The following TRIO variants were observed in gnomAD, a reference collection of about 807,000 sequenced individuals.
TRIO encodes triple functional domain protein.
In TRIO, 58 loss-of-function variants were observed where a neutral mutation model predicts 351.9. The ratio of observed to expected loss-of-function variants is 0.16; its 90% CI spans 0.13 to 0.21. The LOEUF (loss-of-function observed/expected upper bound fraction) is 0.21, where lower values mean the gene tolerates loss of function less well. Ranked by LOEUF, TRIO falls within the 10% of genes least tolerant of loss-of-function variation. The probability of loss-of-function intolerance (pLI) is 1.00; values close to 1 mark genes in which losing one functional copy is unlikely to be tolerated. For synonymous variants in TRIO, 1,758 were observed against 1,595.7 expected (o/e 1.10, Z -2.42); for missense variants, 3,201 against 4,027.8 (o/e 0.79, Z 5.56).
chr5:14,369,168 T>C (rs1341601257), intron 17 of TRIO, among the ~76,000 whole-genome samples: 1 of 152,184 alleles, frequency 6.6e-6, no homozygotes, highest in East Asian at 1.9e-4. Context: ...GGATATTTGC[T>C]TTGGTTTTGT....
intron 48 of TRIO, among the ~76,000 whole-genome samples, chr5:14,489,417 T>C (rs1479538467): frequency 6.6e-6 from 1 of 152,218 alleles, no homozygotes; most frequent in African/African-American, 2.4e-5. Flanking sequence ...AGGTTGGACG[T>C]GCTAGGTAGG....
intron 34 of TRIO, among the ~76,000 whole-genome samples, chr5:14,448,327 G>A (rs1406490131): frequency 2.0e-5 from 3 of 152,224 alleles, no homozygotes; most frequent in Non-Finnish European, 2.9e-5. Context: ...GCAGGCTGTC[G>A]CTCCTTGCCT....
chr5:14,498,656 C>T lies in TRIO; in HGVS notation c.8332+16C>T, dbSNP rs371214124. 1.4e-5 allele frequency: 22 copies of T among 1,610,094 alleles called. No individual in the cohort carries two copies. The highest frequency in any genetic ancestry group is 2.2e-5 in the East Asian group (1 of 44,724). On this transcript the variant is annotated intron_variant, in intron 53 of 56. Coordinates refer to ENST00000344204, the MANE Select transcript of TRIO (RefSeq NM_007118.4). ...AGGGTCCTAGGTAAGCACCGTGCAA[C>T]GAGGATTCTACGTGACCCAGTGGGG...
At chr5:14,480,522 T>A (rs1407464873) in intron 43 of TRIO, among the ~76,000 whole-genome samples, 1 of 152,234 alleles carries the variant, frequency 6.6e-6, no homozygotes, top group Non-Finnish European at 1.5e-5. Context: ...TGTATTCCTC[T>A]CTGTTGGCTT....
intron 11 of TRIO, among the ~76,000 whole-genome samples, chr5:14,353,931 T>A (rs945657919): frequency 6.6e-6 from 1 of 152,212 alleles, no homozygotes; most frequent in East Asian, 1.9e-4. Flanking sequence ...TTAAGTGTTA[T>A]TTTTGGTAGT....
intron 11 of TRIO, among the ~76,000 whole-genome samples, chr5:14,348,571 C>A (rs1742658678): frequency 6.6e-6 from 1 of 152,090 alleles, no homozygotes; most frequent in Admixed American, 6.5e-5. Context: ...CATGTTTTTC[C>A]TGCGTGTATA....
At chr5:14,180,850 A>C (rs1048659932) in intron 1 of TRIO, among the ~76,000 whole-genome samples, 25 of 150,836 alleles carry the variant, frequency 1.7e-4, no homozygotes, top group Non-Finnish European at 3.7e-4. Flanking sequence ...GCCCCCACAA[A>C]AAAAAAAAAG....
intron 1 of TRIO, among the ~76,000 whole-genome samples, chr5:14,269,848 C>G (rs1305465629): frequency 1.3e-5 from 2 of 152,104 alleles, no homozygotes; most frequent in Non-Finnish European, 2.9e-5. Context: ...ACTATTTTGG[C>G]AAAAACAAAC....
At position 14,489,070 on chromosome 5, in the gene TRIO, G is replaced by A. The variant is rs371798493; in HGVS notation, c.7632+810G>A. On this transcript the variant is annotated intron_variant, in intron 48 of 56. Coordinates refer to ENST00000344204, the MANE Select transcript of TRIO (RefSeq NM_007118.4). ...CCGTAACACTTTCCTGAAGGCATGC[G>A]TGAGTGAATAGAACTGTTCTAATGA... 1.4e-4 allele frequency: 109 copies of A among 765,124 alleles called. 3 individuals are homozygous for A. Among genetic ancestry groups the A allele is most frequent in the South Asian group, 6.4e-4 (48 of 74,580 alleles). The allele number at this position is 765,124 out of a possible 1,614,324, so 47.4% of individuals were successfully genotyped here.
chr5:14,384,051 C>T (rs143758190), intron 21 of TRIO, among the ~76,000 whole-genome samples: 118 of 152,304 alleles, frequency 7.7e-4, no homozygotes, highest in African/African-American at 2.1e-3. Flanking sequence ...CATTTCTCCA[C>T]GGGTCTTGCA....
At chr5:14,343,414 T>C (rs548685625) in intron 11 of TRIO, among the ~76,000 whole-genome samples, 7 of 152,370 alleles carry the variant, frequency 4.6e-5, no homozygotes, top group Admixed American at 1.3e-4. Context: ...ATCTAACCCC[T>C]GCTCCATCTC....
intron 48 of TRIO, among the ~76,000 whole-genome samples, chr5:14,490,491 G>A (rs1402769619): frequency 1.3e-5 from 2 of 152,240 alleles, no homozygotes; most frequent in East Asian, 3.8e-4. Context: ...CCAAACCATG[G>A]CTGCACCAGT....
chr5:14,190,478 T>G (rs1258828930), intron 1 of TRIO, among the ~76,000 whole-genome samples: 1 of 152,216 alleles, frequency 6.6e-6, no homozygotes, highest in East Asian at 1.9e-4. Flanking sequence ...GATAAGTCTA[T>G]TCCTGTAAAG....
Position 14,498,200 on chromosome 5 carries a change from G to A in TRIO, c.8159G>A (p.Gly2720Asp), listed in dbSNP as rs567169688. Residue 2720 changes from glycine to aspartate, a missense_variant, in exon 52 of 57, where the codon GGC becomes GAC. By Grantham distance (94) the Gly-to-Asp change is moderately conservative. Around this residue, in one of 19 missense-constraint regions of TRIO, gnomAD observed 1,089 missense variants for 954.9 expected, o/e 1.14. Transcript: ENST00000344204. ...CCCAAAGCCTCAATTACCTGGAAGG[G>A]CCCTGAACACAACACCTTGAACAAC... is the stretch of plus-strand genomic sequence containing the variant. ...GRPKASITWKGPEHNTLNNDG... is the reference protein window; with the variant it reads ...GRPKASITWKDPEHNTLNNDG... 7 of 1,614,202 alleles carry A rather than the reference G, an allele frequency of 4.3e-6. No individual in the cohort carries two copies. The East Asian group carries it at 1.1e-4, about 26-fold the overall frequency.
chr5:14,152,271 G>C (rs1255646228), intron 1 of TRIO, among the ~76,000 whole-genome samples: 1 of 152,200 alleles, frequency 6.6e-6, no homozygotes, highest in African/African-American at 2.4e-5. Context: ...AGTGATGAAA[G>C]CTGGCATGCA....
intron 49 of TRIO, among the ~76,000 whole-genome samples, chr5:14,495,109 C>A (rs1465259681): frequency 6.6e-6 from 1 of 152,094 alleles, no homozygotes. Flanking sequence ...GATTTCAACC[C>A]TCATGGATGA....
At position 14,156,137 on chromosome 5, in the gene TRIO, G is replaced by T. The variant is rs557062627; in HGVS notation, c.157+12255G>T. 3.3e-5 allele frequency among the ~76,000 whole-genome samples: 5 copies of T among 151,638 alleles called. No homozygotes were observed. The East Asian group carries it at 9.7e-4, about 29-fold the overall frequency. ...ATTATCTAAGATTTGGCTAGTGGGA[G>T]CCCCTTCATCCTGGCTCTTTTATCT... On this transcript the variant is annotated intron_variant, in intron 1 of 56. Transcript: ENST00000344204.
In TRIO at chr5:14,443,040, T is replaced by C. The variant is rs114377384; in HGVS notation, c.5204-17979T>C. Among the ~76,000 whole-genome samples the C allele has an allele frequency of 8.0e-3, 1,214 of 152,330 alleles. 11 individuals carry two copies. The highest frequency in any genetic ancestry group is 0.028 in the African/African-American group (1,148 of 41,572). On this transcript the variant is annotated intron_variant, in intron 34 of 56. Transcript: ENST00000344204. ...AGAGGGAATTTTTGAATCTTAGTGG[T>C]ATCTTAATTCCTTCAGAATTCTTCT...
At chr5:14,359,273 C>T in intron 12 of TRIO, 84 bp from the exon 13 acceptor site, 2 of 1,515,848 alleles carry the variant, frequency 1.3e-6, no homozygotes, top group Non-Finnish European at 1.8e-6. Context: ...GCTTTCTTCC[C>T]CTGAAGATTT....
Sources: allele counts gnomAD v4.1 joint callset (sites outside exome capture counted in the v4.1 genomes callset), GRCh38; gene constraint gnomAD v4.1.1; regional missense constraint gnomAD v4.1.1; transcripts MANE v1.5; gene names NCBI Gene and HGNC (gene_info 2026-07-23, HGNC 2026-07-21).